The following WDFY3 variants were observed in gnomAD, a reference collection of about 807,000 sequenced individuals.
WDFY3 encodes WD repeat and FYVE domain-containing protein 3.
Under a neutral mutation model 409.6 loss-of-function variants are expected in WDFY3, and 66 were observed. The observed-to-expected ratio is 0.16, with a 90% CI of 0.13 to 0.20. WDFY3 has a LOEUF of 0.20. WDFY3 is among the 10% of genes least tolerant of loss of function. WDFY3 has a pLI of 1.00. For missense variants in WDFY3, 3,031 were observed against 4,298.1 expected, an observed-to-expected ratio of 0.71 and a Z score of 8.24; for synonymous variants, 1,521 against 1,537.1, an observed-to-expected ratio of 0.99 and a Z score of 0.25.
At chr4:84,764,292 C>A (rs1034380906) in intron 32 of WDFY3, among the ~76,000 whole-genome samples, 1 of 152,076 alleles carries the variant, frequency 6.6e-6, no homozygotes, top group Non-Finnish European at 1.5e-5. Flanking sequence ...ATTATTAAGG[C>A]CAATAAACGA....
intron 2 of WDFY3, among the ~76,000 whole-genome samples, chr4:84,920,099 G>C (rs932432234): frequency 6.6e-6 from 1 of 152,086 alleles, no homozygotes; most frequent in East Asian, 1.9e-4. Flanking sequence ...GGGAGAGAAA[G>C]GATGACTGTG....
intron 55 of WDFY3, among the ~76,000 whole-genome samples, chr4:84,702,871 C>T (rs1056668442): frequency 1.3e-5 from 2 of 152,158 alleles, no homozygotes; most frequent in Admixed American, 6.5e-5. Context: ...CCGAGGCGGG[C>T]GGATCACGAG....
intron 23 of WDFY3, 29 bp downstream of exon 23, chr4:84,787,453 A>C: frequency 3.8e-6 from 6 of 1,597,962 alleles, no homozygotes; most frequent in Non-Finnish European, 4.3e-6. Flanking sequence ...GTTTCATACA[A>C]CTTCAAGAAC....
chr4:84,959,032 G>C (rs912749882), intron 1 of WDFY3, among the ~76,000 whole-genome samples: 1 of 152,072 alleles, frequency 6.6e-6, no homozygotes, highest in African/African-American at 2.4e-5. Flanking sequence ...GACAATTATT[G>C]ACAGTACAAT....
intron 45 of WDFY3, among the ~76,000 whole-genome samples, chr4:84,724,858 T>C (rs552149819): frequency 6.6e-6 from 1 of 152,304 alleles, no homozygotes; most frequent in South Asian, 2.1e-4. Context: ...AATGTTTCTG[T>C]GTTAGTGCAG....
intron 2 of WDFY3, among the ~76,000 whole-genome samples, chr4:84,929,477 C>A (rs189132549): frequency 3.8e-4 from 58 of 151,190 alleles, no homozygotes; most frequent in Admixed American, 6.6e-4. Context: ...GCGCCCCCCC[C>A]CCCAAATTCA....
At chr4:84,900,461 A>G (rs1214315004) in intron 2 of WDFY3, among the ~76,000 whole-genome samples, 1 of 152,138 alleles carries the variant, frequency 6.6e-6, no homozygotes, top group East Asian at 1.9e-4. Flanking sequence ...CCTGGCCTCA[A>G]GCGATCCTCC....
intron 47 of WDFY3, among the ~76,000 whole-genome samples, chr4:84,720,958 T>A (rs987809094): frequency 2.0e-5 from 3 of 151,958 alleles, no homozygotes; most frequent in Non-Finnish European, 4.4e-5. Flanking sequence ...GAGCAAGAAA[T>A]AGGAAGGTGA....
intron 32 of WDFY3, among the ~76,000 whole-genome samples, chr4:84,764,637 G>A (rs1196014519): frequency 6.6e-6 from 1 of 152,076 alleles, no homozygotes. Flanking sequence ...GAAGGCGGGT[G>A]GATCACGAGG....
chr4:84,890,838 T>C (rs549898919), intron 3 of WDFY3, among the ~76,000 whole-genome samples: 2 of 152,288 alleles, frequency 1.3e-5, no homozygotes, highest in South Asian at 4.1e-4. Context: ...TTGGAGAAAG[T>C]ATTTTGTTAT....
At chr4:84,762,669 C>A (rs182306694) in intron 32 of WDFY3, among the ~76,000 whole-genome samples, 56 of 152,078 alleles carry the variant, frequency 3.7e-4, no homozygotes, top group Admixed American at 7.9e-4. Context: ...TTTGACAACT[C>A]ATTTCTCCAT....
At chr4:84,815,198 TTGTC>T (rs1402926238) in intron 13 of WDFY3, among the ~76,000 whole-genome samples, 1 of 152,162 alleles carries the variant, frequency 6.6e-6, no homozygotes, top group Non-Finnish European at 1.5e-5. Flanking sequence ...ACACACTGGT[TTGTC>T]TGTTATTATT....
At chr4:84,777,465 AAAG>A in intron 27 of WDFY3, among the ~76,000 whole-genome samples, 1 of 152,268 alleles carries the variant, frequency 6.6e-6, no homozygotes, top group African/African-American at 2.4e-5. Context: ...AAAGCTAGCA[AAAG>A]AAGTATAACT....
chr4:84,804,964 AAAAATCT>A (rs2149683254), intron 15 of WDFY3, among the ~76,000 whole-genome samples: 1 of 152,292 alleles, frequency 6.6e-6, no homozygotes, highest in South Asian at 2.1e-4. Context: ...CCCCTAATCC[AAAAATCT>A]GAAATCTGAA....
chr4:84,849,608 C>A, intron 5 of WDFY3: 1 of 176,876 alleles, frequency 5.7e-6, no homozygotes, highest in South Asian at 1.7e-4. Flanking sequence ...GATAGCTTTG[C>A]CTTAAATTTC....
chr4:84,731,551 G>A (rs948239578), intron 44 of WDFY3, among the ~76,000 whole-genome samples: 1 of 152,022 alleles, frequency 6.6e-6, no homozygotes, highest in African/African-American at 2.4e-5. Context: ...CAACTGTCTA[G>A]TATTTTCCAA....
chr4:84,689,496 C>G (rs555560626), intron 61 of WDFY3, among the ~76,000 whole-genome samples: 1 of 152,326 alleles, frequency 6.6e-6, no homozygotes, highest in East Asian at 1.9e-4. Flanking sequence ...CTTTCTCCCT[C>G]TTTATATGGC....
intron 63 of WDFY3, 192 bp from the exon 64 acceptor site, chr4:84,682,662 G>A (rs1335789854): frequency 1.6e-5 from 9 of 577,926 alleles, no homozygotes; most frequent in Non-Finnish European, 2.8e-5. Flanking sequence ...TCAAAGTACA[G>A]GGAAAAAGAT....
intron 32 of WDFY3, among the ~76,000 whole-genome samples, chr4:84,763,434 G>A (rs1342848735): frequency 6.6e-6 from 1 of 151,964 alleles, no homozygotes; most frequent in Non-Finnish European, 1.5e-5. Context: ...AATGCATGTG[G>A]GGCTTAAAAC....
Sources: allele counts gnomAD v4.1 joint callset (sites outside exome capture counted in the v4.1 genomes callset), GRCh38; gene constraint gnomAD v4.1.1; transcripts MANE v1.5; gene names NCBI Gene and HGNC (gene_info 2026-07-23, HGNC 2026-07-21).